SYNJ2: variants seen among roughly 807,000 people sequenced by gnomAD.
SYNJ2 encodes the protein synaptojanin 2, also known as polyphosphatidylinositol phosphatase SYNJ2.
A neutral mutation model predicts 141.3 loss-of-function variants in SYNJ2; 116 were observed. The ratio of observed to expected loss-of-function variants is 0.82; its 90% CI spans 0.71 to 0.96. SYNJ2 has a LOEUF of 0.96. Among genes scored for constraint, SYNJ2 ranks in the 40% least tolerant of loss-of-function variants. The pLI, the probability that SYNJ2 is intolerant of heterozygous loss-of-function variation, is 0.00. For missense variants in SYNJ2, 1,873 were observed against 1,934.8 expected (o/e 0.97, Z 0.60); for synonymous variants, 745 against 777.7 (o/e 0.96, Z 0.70).
Position 158,081,294 on chromosome 6 carries a change from C to G in SYNJ2, c.2753C>G (p.Thr918Ser). Reference protein sequence around the residue: ...PEDLRTELMQTLGSYGTIVLV... With the variant: ...PEDLRTELMQSLGSYGTIVLV... ...GACCTGCGTACTGAGCTCATGCAGA[C>G]CTTGGGGAGTTATGGGACAATTGTT... Residue 918 changes from threonine to serine, a missense_variant, in exon 19 of 27, where the codon ACC (threonine) becomes AGC (serine). By Grantham distance (58) the Thr-to-Ser change is moderately conservative. Coordinates refer to ENST00000355585, the MANE Select transcript of SYNJ2 (RefSeq NM_003898.4). 1 of 1,614,124 alleles carries G rather than the reference C, an allele frequency of 6.2e-7. No homozygotes were observed. Among genetic ancestry groups the G allele is most frequent in the Non-Finnish European group, 8.5e-7 (1 of 1,180,028 alleles).
At chr6:158,062,236 G>T (rs1781270845) in intron 8 of SYNJ2, 72 bp downstream of exon 8, 12 of 1,568,710 alleles carry the variant, frequency 7.6e-6, no homozygotes, top group South Asian at 2.4e-5. Context: ...GGCTCGCTGC[G>T]TGCTGTGCCT....
At chr6:158,082,678 A>C (rs959767763) in intron 20 of SYNJ2, among the ~76,000 whole-genome samples, 1 of 151,868 alleles carries the variant, frequency 6.6e-6, no homozygotes, top group African/African-American at 2.4e-5. Context: ...AAACAAACAG[A>C]ATGGGGAAGA....
At chr6:158,032,018 A>C (rs1043065100) in intron 3 of SYNJ2, among the ~76,000 whole-genome samples, 1 of 152,040 alleles carries the variant, frequency 6.6e-6, no homozygotes, top group African/African-American at 2.4e-5. Flanking sequence ...AATTTGAGAG[A>C]GTGATTTGGA....
intron 2 of SYNJ2, among the ~76,000 whole-genome samples, chr6:158,019,521 G>A (rs775906770): frequency 1.2e-4 from 19 of 152,184 alleles, no homozygotes; most frequent in Non-Finnish European, 2.8e-4. Context: ...GTCTGCGGGG[G>A]TCAGCAGGGT....
chr6:157,987,649 G>A (rs1777256027), intron 1 of SYNJ2, among the ~76,000 whole-genome samples: 1 of 152,162 alleles, frequency 6.6e-6, no homozygotes, highest in East Asian at 1.9e-4. Flanking sequence ...TGATCCGCCC[G>A]CCTCGGCCTC....
intron 23 of SYNJ2, among the ~76,000 whole-genome samples, chr6:158,087,377 C>G (rs1783121123): frequency 6.6e-6 from 1 of 152,188 alleles, no homozygotes; most frequent in Non-Finnish European, 1.5e-5. Flanking sequence ...TCTGGTAAAC[C>G]CAGGTCCCCG....
intron 18 of SYNJ2, chr6:158,078,962 T>A (rs950790450): frequency 2.0e-5 from 3 of 152,076 alleles, no homozygotes; most frequent in African/African-American, 7.3e-5. Context: ...GCCTGGCTAA[T>A]TTTTGTGTTT....
At chr6:158,086,361 G>A (rs2128394675) in intron 22 of SYNJ2, among the ~76,000 whole-genome samples, 1 of 152,286 alleles carries the variant, frequency 6.6e-6, no homozygotes, top group East Asian at 1.9e-4. Flanking sequence ...CCAGCCATGG[G>A]CCCACAGGGT....
chr6:158,047,818 A>G (rs1164685871), intron 5 of SYNJ2, among the ~76,000 whole-genome samples: 1 of 144,002 alleles, frequency 6.9e-6, no homozygotes, highest in African/African-American at 2.6e-5. Context: ...CACAGTATCT[A>G]GAATCTAAAA....
intron 1 of SYNJ2, chr6:158,001,285 A>G (rs1004827110): frequency 1.3e-5 from 2 of 152,076 alleles, no homozygotes. Context: ...TCTGGCCTCC[A>G]GGATGACTAT....
intron 1 of SYNJ2, among the ~76,000 whole-genome samples, chr6:157,997,627 C>T (rs1777685224): frequency 1.3e-5 from 2 of 152,176 alleles, no homozygotes; most frequent in East Asian, 1.9e-4. Context: ...TCAAGCCCCC[C>T]GTTCTGTGGT....
Position 158,096,155 on chromosome 6 carries a change from A to G in SYNJ2, c.4282A>G (p.Thr1428Ala). ...LLHHPKLLNN[T>A]WLSKSSDPLD... ...TCACCACCCTAAACTGTTGAATAAC[A>G]CTTGGCTTTCTAAGAGCTCAGACCC... is the stretch of plus-strand genomic sequence containing the variant. The change falls in exon 27 of 27, where the codon ACT (threonine) becomes GCT (alanine). Residue 1428 changes from threonine (T) to alanine (A), a missense_variant. Thr to Ala is a moderately conservative substitution (Grantham distance 58). Transcript: ENST00000355585. 1 of 1,614,242 alleles carries G rather than the reference A, an allele frequency of 6.2e-7. No homozygotes were observed. Among genetic ancestry groups the G allele is most frequent in the African/African-American group, 1.3e-5 (1 of 75,062 alleles).
At chr6:158,039,149 T>G (rs1779798742) in intron 4 of SYNJ2, among the ~76,000 whole-genome samples, 3 of 152,274 alleles carry the variant, frequency 2.0e-5, no homozygotes, top group Admixed American at 2.0e-4. Flanking sequence ...CCTCGCTTTC[T>G]GTCTCTGGAG....
At chr6:157,981,737 C>G (rs1468435428), upstream of SYNJ2, 2 of 317,132 alleles carry the variant, frequency 6.3e-6, no homozygotes, top group Non-Finnish European at 1.1e-5. The surrounding 1 kb of genome is among the most constrained non-coding windows in gnomAD (Gnocchi z 6.4). Context: ...GGGGGGAGCG[C>G]GGGGCCGGGC....
chr6:158,070,118 C>T lies in SYNJ2; in HGVS notation c.1940+445C>T. 5 of 981,310 alleles carry T rather than the reference C, an allele frequency of 5.1e-6. No individual in the cohort carries two copies. The highest frequency in any genetic ancestry group is 6.1e-6 in the Non-Finnish European group (5 of 826,082). 60.8% of individuals were successfully genotyped at this position (981,310 alleles called of 1,614,324 possible). A position where few individuals can be genotyped will look rare whatever the true frequency, so the allele number is the denominator to read the frequency against. On this transcript the variant is annotated intron_variant, in intron 14 of 26. Coordinates refer to ENST00000355585, the MANE Select transcript of SYNJ2 (RefSeq NM_003898.4). The surrounding 1 kb of genome is among the most constrained non-coding windows in gnomAD (Gnocchi z 4.0). ...CATTGTCATTTCTCCAAGGTGCATG[C>T]TTTGTGAGCATCAGAAAGGGGGCGA...
Position 158,043,214 on chromosome 6 carries a change from C to A in SYNJ2, c.712-102C>A. Reference sequence around the variant, plus strand: ...CGGAGTCCACCGTCCGCCCTTCATTCTGGCTGGTGTCGGGTCACAGGTGGC... The same window carrying A: ...CGGAGTCCACCGTCCGCCCTTCATTATGGCTGGTGTCGGGTCACAGGTGGC... On this transcript the variant is annotated intron_variant, in intron 4 of 26. Coordinates refer to ENST00000355585, the MANE Select transcript of SYNJ2 (RefSeq NM_003898.4). This position sits in a 1 kb window ranked among gnomAD's most constrained non-coding sequence, Gnocchi z 4.0. 1 of 993,350 alleles carries A rather than the reference C, an allele frequency of 1.0e-6. No homozygotes were observed. Among genetic ancestry groups the A allele is most frequent in the Non-Finnish European group, 1.6e-6 (1 of 643,248 alleles). 61.5% of individuals were successfully genotyped at this position (993,350 alleles called of 1,614,324 possible).
rs1441802925 is a variant in SYNJ2, at chr6:158,064,601, G to A, written c.1210G>A (p.Val404Ile). ...ACAGCCATCCCTTATTCCTCCCCAG[G>A]TCCTGCATCTGCAGCTCAAGACCCT... is the stretch of plus-strand genomic sequence containing the variant. ...NTVQSFIALEVLHLQLKTLGL... is the reference protein window; with the variant it reads ...NTVQSFIALEILHLQLKTLGL... The change falls in exon 10 of 27, where the codon GTC becomes ATC. Residue 404 changes from valine to isoleucine, a missense_variant and splice_region_variant. Transcript: ENST00000355585. 1.2e-6 allele frequency: 2 copies of A among 1,613,622 alleles called. No homozygotes were observed. The highest frequency in any genetic ancestry group is 3.3e-5 in the Admixed American group (2 of 60,000).
At chr6:158,087,182 G>A (rs1369967165) in intron 23 of SYNJ2, among the ~76,000 whole-genome samples, 193 bp downstream of exon 23, 1 of 152,172 alleles carries the variant, frequency 6.6e-6, no homozygotes, top group Non-Finnish European at 1.5e-5. Flanking sequence ...GTTTCTCATG[G>A]CAAATGAAAC....
chr6:157,983,831 A>AT (rs566097714), intron 1 of SYNJ2, among the ~76,000 whole-genome samples: 239 of 144,644 alleles, frequency 1.7e-3, no homozygotes, highest in Admixed American at 6.7e-3. Flanking sequence ...TTAAAAAAAA[A>AT]TTTTTTTTTT....
Sources: gnomAD v4.1 joint callset for allele counts (sites outside exome capture counted in the v4.1 genomes callset) on GRCh38, gnomAD v4.1.1 for gene constraint, Gnocchi (gnomAD v3.1) non-coding constraint, MANE v1.5 for transcripts, NCBI Gene and HGNC (gene_info 2026-07-23, HGNC 2026-07-21) for gene names.